The following SERPINB7 variants were observed in gnomAD, a reference collection of about 807,000 sequenced individuals.
SERPINB7 encodes serpin family B member 7.
In SERPINB7, 31 loss-of-function variants were observed where a neutral mutation model predicts 37.4. That is an observed-to-expected ratio of 0.83 (90% CI 0.62 to 1.12). The LOEUF (loss-of-function observed/expected upper bound fraction) is 1.12, where lower values mean the gene tolerates loss of function less well. Ranked by LOEUF, SERPINB7 falls within the 50% of genes most tolerant of loss-of-function variation. The probability of loss-of-function intolerance (pLI) is 0.00; values close to 1 mark genes in which losing one functional copy is unlikely to be tolerated. For missense variants in SERPINB7, 521 were observed against 455.3 expected, an observed-to-expected ratio of 1.14 and a Z score of -1.31; for synonymous variants, 163 against 166.1, an observed-to-expected ratio of 0.98 and a Z score of 0.14.
At chr18:63,772,342 A>G (rs2049216323), upstream of SERPINB7, among the ~76,000 whole-genome samples, 1 of 152,096 alleles carries the variant, frequency 6.6e-6, no homozygotes, top group Non-Finnish European at 1.5e-5. Flanking sequence ...CACTCTGCAA[A>G]TGGAAGAATA....
rs148312639 is a variant in SERPINB7, at chr18:63,786,212, A to G, written c.168+3672A>G. On this transcript the variant is annotated intron_variant, in intron 2 of 7. Coordinates refer to ENST00000398019, the MANE Select transcript of SERPINB7 (RefSeq NM_003784.4). ...ACACACCAGCATGGCACATACGTGT[A>G]TATATATATATATATATATATACAC... 1.2e-3 allele frequency among the ~76,000 whole-genome samples: 36 copies of G among 29,746 alleles called. 1 individual carries two copies. Among genetic ancestry groups the G allele is most frequent in the East Asian group, 2.7e-3 (1 of 374 alleles). 19.5% of individuals were successfully genotyped at this position (29,746 alleles called of 152,430 possible).
chr18:63,783,211 AGAGAGAGAGAGAG>A lies in SERPINB7; in HGVS notation c.168+672_168+684del, dbSNP rs1568207642. Among the ~76,000 whole-genome samples the A allele has an allele frequency of 3.5e-3, 267 of 76,688 alleles. 1 individual carries two copies. The highest frequency in any genetic ancestry group is 0.011 in the African/African-American group (229 of 20,988). 50.3% of individuals were successfully genotyped at this position (76,688 alleles called of 152,430 possible). On this transcript the variant is annotated intron_variant, in intron 2 of 7. Coordinates refer to ENST00000398019, the MANE Select transcript of SERPINB7 (RefSeq NM_003784.4). ...AAGAGAGAGAGAGAGAGAGAGAGAG[AGAGAGAGAGAGAG>A]AGAGAGAGAGAAAGAAAGAAAGAAA...
At chr18:63,791,680 G>C (rs35112771) in intron 2 of SERPINB7, among the ~76,000 whole-genome samples, 2 of 151,504 alleles carry the variant, frequency 1.3e-5, no homozygotes, top group African/African-American at 2.4e-5. Context: ...GTGCTATCTC[G>C]GCTCACTGCA....
At chr18:63,793,100 G>T in intron 3 of SERPINB7, 61 bp from the exon 4 acceptor site, 1 of 848,676 alleles carries the variant, frequency 1.2e-6, no homozygotes, top group Non-Finnish European at 1.8e-6. Context: ...TTATGTGTAA[G>T]TGAGATTATG....
At chr18:63,759,132 C>G (rs952165759) in intron 1 of SERPINB7, among the ~76,000 whole-genome samples, 1 of 152,076 alleles carries the variant, frequency 6.6e-6, no homozygotes, top group Non-Finnish European at 1.5e-5. Context: ...CTATTCTACT[C>G]TTCTGATGTA....
At chr18:63,771,634 G>C (rs1235092073), upstream of SERPINB7, among the ~76,000 whole-genome samples, 4 of 151,988 alleles carry the variant, frequency 2.6e-5, no homozygotes, top group Non-Finnish European at 1.5e-5. Flanking sequence ...CTAAGGGTTC[G>C]CACGGGTTGG....
Position 63,804,614 on chromosome 18 carries a change from T to A in SERPINB7, c.1122T>A (p.Ser374Arg). ...GGAAGGATGACATCATCTTATTCAG[T>A]GGCAAAGTTTCTTGCCCTTGAAAAT... Reference protein sequence around the residue: ...VIRKDDIILFSGKVSCP With the variant: ...VIRKDDIILFRGKVSCP The change falls in exon 8 of 8, where the codon AGT (serine) becomes AGA (arginine). Residue 374 changes from serine (S) to arginine (R), a missense_variant. Coordinates refer to ENST00000398019, the MANE Select transcript of SERPINB7 (RefSeq NM_003784.4). 1 of 1,609,556 alleles carries A rather than the reference T, an allele frequency of 6.2e-7. No homozygotes were observed. The highest frequency in any genetic ancestry group is 8.5e-7 in the Non-Finnish European group (1 of 1,177,432).
At chr18:63,775,885 C>T (rs954307059) in intron 1 of SERPINB7, among the ~76,000 whole-genome samples, 169 bp downstream of exon 1, 2 of 152,108 alleles carry the variant, frequency 1.3e-5, no homozygotes, top group Non-Finnish European at 2.9e-5. Context: ...TGGAGGGATG[C>T]TTTTCTGGTG....
intron 4 of SERPINB7, among the ~76,000 whole-genome samples, chr18:63,794,037 G>C (rs972561155): frequency 6.6e-6 from 1 of 151,468 alleles, no homozygotes; most frequent in Non-Finnish European, 1.5e-5. Flanking sequence ...TCTGCGTCTC[G>C]GGTTCAAGCG....
rs2049321186 is a variant in SERPINB7 at position 63,783,191 on chromosome 18, AG to A, written c.168+652del. Among the ~76,000 whole-genome samples, 319 of 61,776 alleles carry A rather than the reference AG, an allele frequency of 5.2e-3. 4 individuals are homozygous for A. Among genetic ancestry groups the A allele is most frequent in the African/African-American group, 0.012 (180 of 14,530 alleles). The allele number at this position is 61,776 out of a possible 152,430, so 40.5% of individuals were successfully genotyped here. A position where few individuals can be genotyped will look rare whatever the true frequency, so the allele number is the denominator to read the frequency against. ...AGAAAATAAAGAAAGAAAGAAAGAG[AG>A]AGAGAGAGAGAGAGAGAGAGAGAGA... On this transcript the variant is annotated intron_variant, in intron 2 of 7. Coordinates refer to ENST00000398019, the MANE Select transcript of SERPINB7 (RefSeq NM_003784.4).
At chr18:63,801,699 A>G (rs1420890780) in intron 7 of SERPINB7, among the ~76,000 whole-genome samples, 2 of 152,024 alleles carry the variant, frequency 1.3e-5, no homozygotes, top group African/African-American at 4.8e-5. Flanking sequence ...CACTGAGTCC[A>G]CCTCTGGACT....
intron 1 of SERPINB7, among the ~76,000 whole-genome samples, chr18:63,764,183 C>G (rs954251820): frequency 6.6e-6 from 1 of 152,148 alleles, no homozygotes; most frequent in African/African-American, 2.4e-5. Flanking sequence ...GAATTTTTCT[C>G]TATCACTTAC....
intron 7 of SERPINB7, 91 bp from the exon 8 acceptor site, chr18:63,804,146 A>G: frequency 2.1e-6 from 2 of 947,218 alleles, no homozygotes; most frequent in Non-Finnish European, 3.1e-6. Context: ...CCAGGAAGCG[A>G]TAATTATAGA....
chr18:63,756,021 T>C (rs1349136207), intron 1 of SERPINB7, among the ~76,000 whole-genome samples: 3 of 151,980 alleles, frequency 2.0e-5, no homozygotes, highest in Admixed American at 1.3e-4. Context: ...ACAATGTTCA[T>C]TGATATATAA....
At chr18:63,793,455 A>C (rs1336174683) in intron 4 of SERPINB7, among the ~76,000 whole-genome samples, 178 bp downstream of exon 4, 1 of 152,184 alleles carries the variant, frequency 6.6e-6, no homozygotes, top group African/African-American at 2.4e-5. Context: ...CTTTTTACCC[A>C]ATTAATCCAC....
At position 63,804,869 on chromosome 18, in the gene SERPINB7, T is replaced by C; in HGVS notation, c.*234T>C. ...GTCTCACCCATTTCTAATTTCATTG[T>C]CTTTCTTCCCACGCTCATTTCTATC... On this transcript the variant is annotated 3_prime_UTR_variant, in exon 8 of 8. Transcript: ENST00000398019. The C allele has an allele frequency of 4.0e-6, 2 of 502,140 alleles. No individual in the cohort carries two copies. Among genetic ancestry groups the C allele is most frequent in the South Asian group, 3.6e-5 (1 of 27,550 alleles). The allele number at this position is 502,140 out of a possible 1,614,324, so 31.1% of individuals were successfully genotyped here.
intron 1 of SERPINB7, among the ~76,000 whole-genome samples, chr18:63,763,464 T>A (rs989559373): frequency 6.6e-6 from 1 of 152,240 alleles, no homozygotes; most frequent in Admixed American, 6.5e-5. Flanking sequence ...TGGTAAGTAA[T>A]CCACCTTTCA....
intron 1 of SERPINB7, among the ~76,000 whole-genome samples, chr18:63,766,062 G>A (rs2144590081): frequency 6.6e-6 from 1 of 152,226 alleles, no homozygotes; most frequent in Non-Finnish European, 1.5e-5. Flanking sequence ...TTCCAGGGAA[G>A]AGCAGTGAAG....
chr18:63,798,853 T>C, intron 6 of SERPINB7, 107 bp downstream of exon 6: 1 of 1,201,430 alleles, frequency 8.3e-7, no homozygotes. Context: ...TTTAAACCCA[T>C]TTCTTCTTTT....
Sources: gnomAD v4.1 joint callset for allele counts (sites outside exome capture counted in the v4.1 genomes callset) on GRCh38, gnomAD v4.1.1 for gene constraint, MANE v1.5 for transcripts, NCBI Gene and HGNC (gene_info 2026-07-23, HGNC 2026-07-21) for gene names.